The following PAAF1 variants were observed in gnomAD, a reference collection of about 807,000 sequenced individuals.
PAAF1 encodes the protein proteasomal ATPase-associated factor 1.
PAAF1 carries 46 observed loss-of-function variants against 52.8 expected under a neutral mutation model. That is an observed-to-expected ratio of 0.87 (90% CI 0.69 to 1.11). The LOEUF is 1.11. Ranked by LOEUF, PAAF1 falls within the 50% of genes most tolerant of loss-of-function variation. The pLI, the probability that PAAF1 is intolerant of heterozygous loss-of-function variation, is 0.00. For synonymous variants in PAAF1, 178 were observed against 172.8 expected, an observed-to-expected ratio of 1.03 and a Z score of -0.24; for missense variants, 424 against 477.4, an observed-to-expected ratio of 0.89 and a Z score of 1.04.
chr11:73,878,285 T>TA (rs1250381605), intron 1 of PAAF1, among the ~76,000 whole-genome samples: 1 of 152,186 alleles, frequency 6.6e-6, no homozygotes, highest in Non-Finnish European at 1.5e-5. Flanking sequence ...CGTCAAATGA[T>TA]AGAGGGTTGC....
Position 73,927,342 on chromosome 11 carries a change from T to C in PAAF1, c.1159T>C (p.Tyr387His). 3 of 1,614,122 alleles carry C rather than the reference T, an allele frequency of 1.9e-6. No homozygotes were observed. The highest frequency in any genetic ancestry group is 2.5e-6 in the Non-Finnish European group (3 of 1,179,982). The change falls in exon 12 of 12, where the codon TAC (tyrosine) becomes CAC (histidine). Residue 387 changes from tyrosine to histidine, a missense_variant. By Grantham distance (83) the Tyr-to-His change is moderately conservative (BLOSUM62 2). Coordinates refer to ENST00000310571, the MANE Select transcript of PAAF1 (RefSeq NM_025155.3). The stretch of plus-strand genomic sequence containing the variant: ...CTGTCGAGACGGTCTTGTACGACGC[T>C]ACCAGCTTTCTGACCTCTGACTTCT... The part of the protein sequence containing the change: ...TCCRDGLVRR[Y>H]QLSDL
At chr11:73,879,350 AAACCTAGTTACTTG>A (rs1016826409) in intron 2 of PAAF1, 1 of 152,190 alleles carries the variant, frequency 6.6e-6, no homozygotes, top group Non-Finnish European at 1.5e-5. Context: ...TCAGAGTGAA[AAACCTAGTTACTTG>A]ACCCTGCCAT....
intron 4 of PAAF1, among the ~76,000 whole-genome samples, chr11:73,896,689 T>A (rs950707191): frequency 1.5e-4 from 23 of 152,184 alleles, no homozygotes; most frequent in Non-Finnish European, 2.5e-4. Flanking sequence ...AAGTCTCCCA[T>A]GTCTACCTCT....
chr11:73,896,872 G>T (rs1473748821), intron 4 of PAAF1, among the ~76,000 whole-genome samples: 3 of 151,504 alleles, frequency 2.0e-5, no homozygotes, highest in African/African-American at 7.3e-5. Context: ...CAGTAGGCGC[G>T]GCCAGGCAGA....
chr11:73,901,966 C>A (rs1285452272), intron 6 of PAAF1, among the ~76,000 whole-genome samples: 1 of 149,956 alleles, frequency 6.7e-6, no homozygotes, highest in Admixed American at 6.7e-5. Context: ...CAGGCTCATG[C>A]GATCCTTGTG....
At chr11:73,922,291 T>C in intron 10 of PAAF1, 1 of 507,434 alleles carries the variant, frequency 2.0e-6, no homozygotes, top group Middle Eastern at 5.5e-4. Context: ...AGTACTGATG[T>C]CTAAAGGCAA....
At chr11:73,902,907 G>A (rs1258790254) in intron 6 of PAAF1, among the ~76,000 whole-genome samples, 1 of 152,130 alleles carries the variant, frequency 6.6e-6, no homozygotes, top group African/African-American at 2.4e-5. Context: ...CACCATATTG[G>A]CCAGGCTGGT....
chr11:73,924,047 T>C (rs2135236979), intron 10 of PAAF1, among the ~76,000 whole-genome samples: 1 of 152,252 alleles, frequency 6.6e-6, no homozygotes, highest in African/African-American at 2.4e-5. Flanking sequence ...GCTTGCTCTG[T>C]GCCTTTGGCA....
intron 11 of PAAF1, among the ~76,000 whole-genome samples, chr11:73,927,070 T>G (rs896350623): frequency 3.3e-5 from 5 of 152,214 alleles, no homozygotes; most frequent in African/African-American, 1.2e-4. Flanking sequence ...TTCTCTGTTA[T>G]ATAGTCATGG....
intron 1 of PAAF1, 21 bp from the exon 2 acceptor site, chr11:73,878,758 G>A: frequency 1.9e-6 from 3 of 1,612,804 alleles, no homozygotes; most frequent in Middle Eastern, 1.7e-4. Context: ...AGCCTAATTA[G>A]GCTTTTGTCT....
rs200740266 is a variant in PAAF1, at chr11:73,900,401, C to T, written c.513C>T (p.Thr171=). The T allele has an allele frequency of 3.4e-5, 54 of 1,609,726 alleles. No homozygotes were observed. Among genetic ancestry groups the T allele is most frequent in the Non-Finnish European group, 3.8e-5 (45 of 1,177,222 alleles). Residue 171 remains threonine, a synonymous_variant, in exon 6 of 12, where the codon ACC becomes ACT. Coordinates refer to ENST00000310571, the MANE Select transcript of PAAF1 (RefSeq NM_025155.3). Reference sequence around the variant, plus strand: ...CTGAAGATGCTAGCTGCGTGGTGACCTTCAAAGGTCACAAAGGAGGTATGA... The same window carrying T: ...CTGAAGATGCTAGCTGCGTGGTGACTTTCAAAGGTCACAAAGGAGGTATGA... ...WSAEDASCVV[T]FKGHKGGILD... is the part of the protein sequence containing the mutation.
chr11:73,895,086 G>A (rs1222851711), intron 4 of PAAF1, among the ~76,000 whole-genome samples: 2 of 152,176 alleles, frequency 1.3e-5, no homozygotes, highest in Non-Finnish European at 2.9e-5. Flanking sequence ...CTATATTTCA[G>A]CCAGTCTTCT....
chr11:73,914,288 A>G, intron 7 of PAAF1, 125 bp from the exon 8 acceptor site: 2 of 739,670 alleles, frequency 2.7e-6, no homozygotes, highest in Non-Finnish European at 4.6e-6. Flanking sequence ...AGAACATAAT[A>G]AATGTTTTCT....
In PAAF1 at chr11:73,906,243, T is replaced by A. The variant is rs541832171; in HGVS notation, c.533-3156T>A. ...ACCGTTGCCAGCTGTATAAATTGAATTTCGTTTAGTTTTGTTTGTTTGTTT... is the reference window on the plus strand; with the variant it reads ...ACCGTTGCCAGCTGTATAAATTGAAATTCGTTTAGTTTTGTTTGTTTGTTT... On this transcript the variant is annotated intron_variant, in intron 6 of 11. Coordinates refer to ENST00000310571, the MANE Select transcript of PAAF1 (RefSeq NM_025155.3). 1.3e-4 allele frequency among the ~76,000 whole-genome samples: 19 copies of A among 151,852 alleles called. 1 individual carries two copies. In the South Asian group the frequency reaches 3.8e-3, roughly 30 times the overall value.
chr11:73,914,338 A>G lies in PAAF1; in HGVS notation c.728-75A>G, dbSNP rs556214366. Reference sequence around the variant, plus strand: ...TCGCTAACAAAATCAGTAATCAACCATCAGTATTGGTGCTGTGTGGGCACT... The same window carrying G: ...TCGCTAACAAAATCAGTAATCAACCGTCAGTATTGGTGCTGTGTGGGCACT... On this transcript the variant is annotated intron_variant, in intron 7 of 11. Coordinates refer to ENST00000310571, the MANE Select transcript of PAAF1 (RefSeq NM_025155.3). 5.5e-4 allele frequency: 651 copies of G among 1,193,288 alleles called. 3 individuals carry two copies. The highest frequency in any genetic ancestry group is 6.6e-4 in the Non-Finnish European group (529 of 803,214). The allele number at this position is 1,193,288 out of a possible 1,614,324, so 73.9% of individuals were successfully genotyped here. A position where few individuals can be genotyped will look rare whatever the true frequency, so the allele number is the denominator to read the frequency against.
rs892866558 is a variant in PAAF1, at chr11:73,928,130, C to A, written c.*768C>A. 5.3e-5 allele frequency: 8 copies of A among 152,224 alleles called. No homozygotes were observed. Among genetic ancestry groups the A allele is most frequent in the African/African-American group, 1.9e-4 (8 of 41,442 alleles). The allele number at this position is 152,224 out of a possible 1,614,324, so 9.4% of individuals were successfully genotyped here. A position where few individuals can be genotyped will look rare whatever the true frequency, so the allele number is the denominator to read the frequency against. ...GGAAATAGAAATTGTTAGGCCCAAT[C>A]CTAGACCTAAATCAGAAATTCTACG... On this transcript the variant is annotated 3_prime_UTR_variant, in exon 12 of 12. Transcript: ENST00000310571.
Position 73,928,592 on chromosome 11 carries a change from A to T in PAAF1, c.*1230A>T, listed in dbSNP as rs549474671. 3 of 152,322 alleles carry T rather than the reference A, an allele frequency of 2.0e-5. No homozygotes were observed. The South Asian group carries it at 6.2e-4, about 32-fold the overall frequency. The allele number at this position is 152,322 out of a possible 1,614,324, so 9.4% of individuals were successfully genotyped here. A position where few individuals can be genotyped will look rare whatever the true frequency, so the allele number is the denominator to read the frequency against. ...CCAGAATATGGATACCATATTATTT[A>T]TATTTTTGAGATTATTAGAGAAAAG... On this transcript the variant is annotated 3_prime_UTR_variant, in exon 12 of 12. Transcript: ENST00000310571.
At chr11:73,914,366 C>A in intron 7 of PAAF1, 47 bp from the exon 8 acceptor site, 1 of 1,540,542 alleles carries the variant, frequency 6.5e-7, no homozygotes, top group Non-Finnish European at 9.0e-7. Flanking sequence ...TGGGCACTAC[C>A]AGCTGATCAG....
chr11:73,914,551 ACT>A (rs775872174), intron 8 of PAAF1, 47 bp downstream of exon 8: 1 of 1,519,960 alleles, frequency 6.6e-7, no homozygotes, highest in East Asian at 2.3e-5. Context: ...AACCTGGGTC[ACT>A]CTGTGTCTTA....
Sources: gnomAD v4.1 joint callset for allele counts (sites outside exome capture counted in the v4.1 genomes callset) on GRCh38, gnomAD v4.1.1 for gene constraint, MANE v1.5 for transcripts, NCBI Gene and HGNC (gene_info 2026-07-23, HGNC 2026-07-21) for gene names.